EPC2: variants seen among roughly 807,000 people sequenced by gnomAD.
EPC2 encodes enhancer of polycomb 2.
A neutral mutation model predicts 92.1 loss-of-function variants in EPC2; 14 were observed. The observed-to-expected ratio is 0.15, with a 90% confidence interval of 0.10 to 0.24. EPC2 has a LOEUF of 0.24. Among genes scored for constraint, EPC2 ranks in the 10% least tolerant of loss-of-function variants. The pLI is 1.00. For missense variants in EPC2, 755 were observed against 971.5 expected (o/e 0.78, Z 2.96); for synonymous variants, 340 against 334.7 (o/e 1.02, Z -0.17).
chr2:148,760,431 A>G (rs1574627530), intron 4 of EPC2, among the ~76,000 whole-genome samples: 2 of 152,168 alleles, frequency 1.3e-5, no homozygotes, highest in Non-Finnish European at 1.5e-5. Flanking sequence ...CTGCCTTACA[A>G]TTCTGTATAT....
At chr2:148,783,357 A>G (rs1683792843) in intron 11 of EPC2, among the ~76,000 whole-genome samples, 1 of 152,238 alleles carries the variant, frequency 6.6e-6, no homozygotes, top group African/African-American at 2.4e-5. Flanking sequence ...AAATTAATAG[A>G]ACATTAAAGC....
chr2:148,649,746 T>A (rs149189035), intron 1 of EPC2, among the ~76,000 whole-genome samples: 223 of 152,366 alleles, frequency 1.5e-3, no homozygotes, highest in African/African-American at 5.2e-3. Flanking sequence ...ATAGTCACCA[T>A]GCTGCATATT....
intron 1 of EPC2, among the ~76,000 whole-genome samples, chr2:148,655,260 A>G (rs1680767512): frequency 6.6e-6 from 1 of 152,162 alleles, no homozygotes; most frequent in Admixed American, 6.5e-5. Context: ...AGTGAAGGGT[A>G]TTGGCATCTG....
intron 1 of EPC2, among the ~76,000 whole-genome samples, chr2:148,689,441 G>C (rs926499543): frequency 6.6e-6 from 1 of 152,136 alleles, no homozygotes; most frequent in Non-Finnish European, 1.5e-5. Flanking sequence ...GCCTCCCAAA[G>C]TGCTGGGATT....
intron 8 of EPC2, among the ~76,000 whole-genome samples, chr2:148,769,842 C>A (rs1443658139): frequency 6.6e-6 from 1 of 151,982 alleles, no homozygotes; most frequent in African/African-American, 2.4e-5. Context: ...TTGTAGAGAT[C>A]ATTTATCTTG....
At chr2:148,762,836 G>T (rs758219399) in intron 6 of EPC2, 34 bp downstream of exon 6, 1 of 1,564,120 alleles carries the variant, frequency 6.4e-7, no homozygotes, top group South Asian at 1.2e-5. Context: ...ATGTATGGAT[G>T]GTAATGTTGA....
chr2:148,751,560 T>C (rs1186730039), intron 3 of EPC2, among the ~76,000 whole-genome samples: 2 of 152,100 alleles, frequency 1.3e-5, no homozygotes, highest in East Asian at 3.8e-4. Context: ...CAGTATGCTG[T>C]CCAGACTGGA....
chr2:148,665,486 G>T (rs1332833622), intron 1 of EPC2, among the ~76,000 whole-genome samples: 1 of 152,044 alleles, frequency 6.6e-6, no homozygotes, highest in Non-Finnish European at 1.5e-5. Flanking sequence ...GGAAATTGTT[G>T]ATTTAAAACA....
At chr2:148,645,405 C>G in intron 1 of EPC2, 1 of 460,644 alleles carries the variant, frequency 2.2e-6, no homozygotes, top group East Asian at 4.4e-5. Flanking sequence ...GCTGCTTACG[C>G]TGCCGTAAGG....
chr2:148,698,206 T>C (rs1022251934), intron 2 of EPC2, among the ~76,000 whole-genome samples: 8 of 152,204 alleles, frequency 5.3e-5, no homozygotes, highest in Non-Finnish European at 8.8e-5. Context: ...TCACTAACAT[T>C]GTTCTTATTA....
intron 7 of EPC2, among the ~76,000 whole-genome samples, chr2:148,767,081 C>G (rs932135973): frequency 1.1e-4 from 17 of 151,920 alleles, no homozygotes; most frequent in African/African-American, 3.9e-4. Context: ...GCCTGTAGTC[C>G]CAGCTACTCC....
intron 2 of EPC2, among the ~76,000 whole-genome samples, chr2:148,731,977 T>C (rs1013940262): frequency 6.6e-6 from 1 of 152,204 alleles, no homozygotes; most frequent in Non-Finnish European, 1.5e-5. Flanking sequence ...ATTTACTAAT[T>C]GGTAAGATTT....
chr2:148,741,109 A>G (rs906660591), intron 2 of EPC2, among the ~76,000 whole-genome samples: 2 of 152,172 alleles, frequency 1.3e-5, no homozygotes, highest in African/African-American at 4.8e-5. Flanking sequence ...TTTTAAATGA[A>G]TCATACTTAC....
Position 148,772,016 on chromosome 2 carries a change from C to G in EPC2, c.1720+629C>G, listed in dbSNP as rs556075491. Among the ~76,000 whole-genome samples, 24 of 152,226 alleles carry G rather than the reference C, an allele frequency of 1.6e-4. No homozygotes were observed. In the East Asian group the frequency reaches 1.9e-3, roughly 12 times the overall value. On this transcript the variant is annotated intron_variant, in intron 10 of 13. Coordinates refer to ENST00000258484, the MANE Select transcript of EPC2 (RefSeq NM_015630.4). Reference sequence around the variant, plus strand: ...GTTTCGCCATGTTGGCCAGGCCAGTCTCGAAATCCTGACCTCAGGTGATCC... The same window carrying G: ...GTTTCGCCATGTTGGCCAGGCCAGTGTCGAAATCCTGACCTCAGGTGATCC...
intron 1 of EPC2, among the ~76,000 whole-genome samples, chr2:148,669,822 A>G (rs1681120519): frequency 6.6e-6 from 1 of 152,200 alleles, no homozygotes; most frequent in East Asian, 1.9e-4. Context: ...CTACTGAATC[A>G]GTATTTTTTG....
intron 1 of EPC2, among the ~76,000 whole-genome samples, chr2:148,664,887 A>T (rs185119529): frequency 3.3e-5 from 5 of 152,274 alleles, no homozygotes; most frequent in African/African-American, 1.2e-4. Context: ...TTATCTTTAG[A>T]GTGATTTTTG....
intron 10 of EPC2, 27 bp downstream of exon 10, chr2:148,771,414 A>T (rs1683516832): frequency 6.6e-7 from 1 of 1,503,930 alleles, no homozygotes; most frequent in Non-Finnish European, 9.0e-7. Flanking sequence ...TTAAAAGTAT[A>T]TCCTGCTATT....
intron 7 of EPC2, among the ~76,000 whole-genome samples, chr2:148,765,440 T>A (rs953488159): frequency 2.6e-5 from 4 of 152,188 alleles, no homozygotes; most frequent in Non-Finnish European, 5.9e-5. Flanking sequence ...GAAATTGAAT[T>A]ACTAGTTACT....
chr2:148,699,188 G>A (rs536099795), intron 2 of EPC2, among the ~76,000 whole-genome samples: 3 of 152,028 alleles, frequency 2.0e-5, no homozygotes, highest in Non-Finnish European at 4.4e-5. Context: ...TTTAAAACAC[G>A]ATTTTAGATT....
Sources: gnomAD v4.1 joint callset for allele counts (sites outside exome capture counted in the v4.1 genomes callset) on GRCh38, gnomAD v4.1.1 for gene constraint, MANE v1.5 for transcripts, NCBI Gene and HGNC (gene_info 2026-07-23, HGNC 2026-07-21) for gene names.